MLIP: variants seen among roughly 807,000 people sequenced by gnomAD.
MLIP encodes the protein muscular LMNA interacting protein, also known as muscular LMNA-interacting protein.
MLIP carries 79 observed loss-of-function variants against 84.8 expected under a neutral mutation model. The ratio of observed to expected loss-of-function variants is 0.93; its 90% CI spans 0.78 to 1.12. The LOEUF (loss-of-function observed/expected upper bound fraction) is 1.12, where lower values mean the gene tolerates loss of function less well. MLIP is among the 50% of genes most tolerant of loss of function. The pLI is 0.00. For missense variants in MLIP, 1,257 were observed against 1,160.6 expected, an observed-to-expected ratio of 1.08 and a Z score of -1.21; for synonymous variants, 504 against 463.0, an observed-to-expected ratio of 1.09 and a Z score of -1.14.
At chr6:54,139,207 A>C (rs1772086940) in intron 4 of MLIP, among the ~76,000 whole-genome samples, 1 of 152,216 alleles carries the variant, frequency 6.6e-6, no homozygotes, top group South Asian at 2.1e-4. Flanking sequence ...ATCAGTAGAA[A>C]AAAATATACA....
chr6:54,096,535 G>A (rs901468315), intron 1 of MLIP, among the ~76,000 whole-genome samples: 10 of 152,096 alleles, frequency 6.6e-5, no homozygotes, highest in Non-Finnish European at 1.5e-4. Flanking sequence ...GCCCACAGCT[G>A]GTGAAGCCTT....
intron 1 of MLIP, among the ~76,000 whole-genome samples, chr6:54,026,259 T>C (rs781366896): frequency 6.6e-6 from 1 of 152,162 alleles, no homozygotes; most frequent in African/African-American, 2.4e-5. Context: ...AGGATAATGT[T>C]CTCCAAATAA....
chr6:54,043,041 T>C (rs903287434), intron 1 of MLIP, among the ~76,000 whole-genome samples: 5 of 152,160 alleles, frequency 3.3e-5, no homozygotes, highest in African/African-American at 7.2e-5. Flanking sequence ...GTCTCAAGAC[T>C]CTCAGAGATT....
chr6:54,081,828 T>A (rs1271895171), intron 1 of MLIP, among the ~76,000 whole-genome samples: 1 of 152,210 alleles, frequency 6.6e-6, no homozygotes, highest in Non-Finnish European at 1.5e-5. Context: ...TTGTTCTTTA[T>A]CTTTAAGTAG....
chr6:54,167,083 C>T (rs2150582142), intron 8 of MLIP, among the ~76,000 whole-genome samples: 1 of 152,032 alleles, frequency 6.6e-6, no homozygotes, highest in East Asian at 1.9e-4. Context: ...ACTACTGAGC[C>T]ACTGTGTTTT....
chr6:54,226,114 G>A (rs1159209020), intron 11 of MLIP, among the ~76,000 whole-genome samples: 1 of 152,180 alleles, frequency 6.6e-6, no homozygotes, highest in Non-Finnish European at 1.5e-5. Context: ...CTGAAAAAAG[G>A]AAGAAAAGGT....
chr6:54,080,328 A>G (rs1767055656), intron 1 of MLIP, among the ~76,000 whole-genome samples: 1 of 152,036 alleles, frequency 6.6e-6, no homozygotes, highest in Non-Finnish European at 1.5e-5. Flanking sequence ...CAAAAAAATT[A>G]TATGTTTATA....
chr6:54,029,929 T>C (rs1213470557), intron 1 of MLIP, among the ~76,000 whole-genome samples: 1 of 152,184 alleles, frequency 6.6e-6, no homozygotes, highest in African/African-American at 2.4e-5. Flanking sequence ...TAATGGGCTA[T>C]GACTTGCCTC....
chr6:54,048,612 T>C (rs1765204911), intron 1 of MLIP, among the ~76,000 whole-genome samples: 1 of 152,184 alleles, frequency 6.6e-6, no homozygotes, highest in African/African-American at 2.4e-5. Flanking sequence ...CCATCAGTTA[T>C]TGGGGAGGAG....
At chr6:54,185,549 T>A (rs1777309469) in intron 9 of MLIP, among the ~76,000 whole-genome samples, 1 of 152,152 alleles carries the variant, frequency 6.6e-6, no homozygotes, top group Non-Finnish European at 1.5e-5. Context: ...TTCTCTCTTT[T>A]CCCCATGATA....
chr6:54,123,365 G>A (rs571008411), intron 2 of MLIP, among the ~76,000 whole-genome samples: 120 of 152,282 alleles, frequency 7.9e-4, no homozygotes, highest in African/African-American at 2.9e-3. Context: ...AATGAAAAAA[G>A]TATGTAATAA....
chr6:54,145,787 T>TCA lies in MLIP; in HGVS notation c.2218-3268_2218-3267insAC, dbSNP rs1772756089. 1.4e-4 allele frequency among the ~76,000 whole-genome samples: 12 copies of TCA among 85,184 alleles called. No individual in the cohort carries two copies. The South Asian group carries it at 5.2e-3, about 37-fold the overall frequency. The allele number at this position is 85,184 out of a possible 152,430, so 55.9% of individuals were successfully genotyped here. A position where few individuals can be genotyped will look rare whatever the true frequency, so the allele number is the denominator to read the frequency against. ...AAAGACTCTGTCCCCCACCACCCCCTCCCCCACAAAAAAAAAAAGAAAAAG... is the reference window on the plus strand; with the variant it reads ...AAAGACTCTGTCCCCCACCACCCCCTCACCCCCACAAAAAAAAAAAGAAAAAG... On this transcript the variant is annotated intron_variant, in intron 4 of 13. Transcript: ENST00000502396.
chr6:54,140,913 G>A (rs1330809830), intron 4 of MLIP, among the ~76,000 whole-genome samples: 1 of 152,142 alleles, frequency 6.6e-6, no homozygotes, highest in Non-Finnish European at 1.5e-5. Context: ...TCCTTCCAGT[G>A]TGATGCTAAG....
chr6:54,205,866 C>T (rs1779002339), intron 11 of MLIP, among the ~76,000 whole-genome samples: 1 of 152,096 alleles, frequency 6.6e-6, no homozygotes, highest in Admixed American at 6.5e-5. Context: ...ACTCGTTATT[C>T]AGTTAATTTA....
chr6:54,100,410 A>T (rs1010139516), intron 1 of MLIP, among the ~76,000 whole-genome samples: 1 of 152,028 alleles, frequency 6.6e-6, no homozygotes, highest in Non-Finnish European at 1.5e-5. Flanking sequence ...TCCTTCTTCC[A>T]TCCTATGTTA....
upstream of MLIP, among the ~76,000 whole-genome samples, chr6:54,111,032 A>C (rs374472201): frequency 1.1e-4 from 16 of 152,194 alleles, no homozygotes; most frequent in East Asian, 2.9e-3. Flanking sequence ...CAGTGTTTGC[A>C]TGTATTTATA....
At chr6:54,044,379 A>G (rs1212363253) in intron 1 of MLIP, among the ~76,000 whole-genome samples, 3 of 152,232 alleles carry the variant, frequency 2.0e-5, no homozygotes, top group Admixed American at 1.3e-4. Context: ...GTGATGTGGC[A>G]CCACATTCTT....
chr6:54,141,215 G>T (rs1470748700), intron 4 of MLIP, among the ~76,000 whole-genome samples: 1 of 151,716 alleles, frequency 6.6e-6, no homozygotes, highest in African/African-American at 2.4e-5. Context: ...TGATATAATT[G>T]CTATGATATG....
chr6:54,175,834 G>A (rs1467321807), intron 9 of MLIP, among the ~76,000 whole-genome samples: 1 of 151,738 alleles, frequency 6.6e-6, no homozygotes, highest in Admixed American at 6.6e-5. Context: ...AAGCTTTCAG[G>A]TTTTCCTCAT....
Sources: gnomAD v4.1 joint callset for allele counts (sites outside exome capture counted in the v4.1 genomes callset) on GRCh38, gnomAD v4.1.1 for gene constraint, MANE v1.5 for transcripts, NCBI Gene and HGNC (gene_info 2026-07-23, HGNC 2026-07-21) for gene names.